Variants in WDR72 observed in about 807,000 individuals in gnomAD.
The protein encoded by WDR72 is WD repeat domain 72.
In WDR72, 120 loss-of-function variants were observed where a neutral mutation model predicts 124.2. The observed-to-expected ratio is 0.97, with a 90% confidence interval of 0.83 to 1.12. The LOEUF (loss-of-function observed/expected upper bound fraction) is 1.12, where lower values mean the gene tolerates loss of function less well. Among genes scored for constraint, WDR72 ranks in the 50% most tolerant of loss-of-function variants. The pLI, the probability that WDR72 is intolerant of heterozygous loss-of-function variation, is 0.00. For missense variants in WDR72, 1,387 were observed against 1,278.8 expected (o/e 1.08, Z -1.29); for synonymous variants, 452 against 441.7 (o/e 1.02, Z -0.29).
intron 14 of WDR72, among the ~76,000 whole-genome samples, chr15:53,656,262 CAAAT>C (rs967277935): frequency 6.9e-4 from 104 of 151,456 alleles, no homozygotes; most frequent in Admixed American, 2.0e-4. Context: ...AAAAAAATTA[CAAAT>C]AAATAAACGT....
intron 1 of WDR72, among the ~76,000 whole-genome samples, chr15:53,758,557 A>G (rs1327939090): frequency 6.6e-6 from 1 of 152,110 alleles, no homozygotes. Context: ...AAGCTGCACA[A>G]GACCAACTTA....
At chr15:53,572,443 C>T (rs1894570935) in intron 18 of WDR72, among the ~76,000 whole-genome samples, 1 of 152,004 alleles carries the variant, frequency 6.6e-6, no homozygotes, top group African/African-American at 2.4e-5. Context: ...TGATATTTTC[C>T]CCTCACATTG....
chr15:53,645,540 G>T (rs2015011146), intron 14 of WDR72, among the ~76,000 whole-genome samples: 5 of 152,044 alleles, frequency 3.3e-5, no homozygotes, highest in Admixed American at 6.6e-5. Flanking sequence ...AAAATGAAGG[G>T]TGTCATTTAC....
chr15:53,712,649 C>A, intron 7 of WDR72, 123 bp downstream of exon 7: 1 of 1,033,062 alleles, frequency 9.7e-7, no homozygotes, highest in Non-Finnish European at 1.4e-6. Flanking sequence ...CACATCATTC[C>A]ATGTTCTGGT....
intron 18 of WDR72, among the ~76,000 whole-genome samples, chr15:53,555,443 A>G (rs1893893764): frequency 6.6e-6 from 1 of 152,036 alleles, no homozygotes; most frequent in Non-Finnish European, 1.5e-5. Context: ...ATAAAGAGAG[A>G]GAGAACATGT....
chr15:53,599,014 C>T (rs2140342285), intron 17 of WDR72, among the ~76,000 whole-genome samples: 1 of 152,052 alleles, frequency 6.6e-6, no homozygotes, highest in East Asian at 1.9e-4. Flanking sequence ...GTCCTGGCTA[C>T]TCAGGAGGCT....
At chr15:53,617,817 C>T (rs192602643) in intron 14 of WDR72, among the ~76,000 whole-genome samples, 42 of 151,890 alleles carry the variant, frequency 2.8e-4, no homozygotes, top group South Asian at 6.2e-4. Flanking sequence ...ATTCCATCCC[C>T]GTTATTTTCA....
chr15:53,566,626 G>A (rs76669546), intron 18 of WDR72, among the ~76,000 whole-genome samples: 1,608 of 151,774 alleles, frequency 0.011, 36 homozygotes, highest in African/African-American at 0.037. Flanking sequence ...GCTCATCTAC[G>A]GAGCAACATT....
chr15:53,646,521 A>G (rs1047444046), intron 14 of WDR72, among the ~76,000 whole-genome samples: 1 of 152,098 alleles, frequency 6.6e-6, no homozygotes, highest in African/African-American at 2.4e-5. Flanking sequence ...GAAATAAGGT[A>G]AACAAAATTA....
chr15:53,551,199 A>C (rs1335657327), intron 18 of WDR72, among the ~76,000 whole-genome samples: 1 of 152,150 alleles, frequency 6.6e-6, no homozygotes, highest in African/African-American at 2.4e-5. Context: ...ATGGCCAGTG[A>C]GACTGGAGGT....
At chr15:53,555,878 AT>A (rs1893913319) in intron 18 of WDR72, among the ~76,000 whole-genome samples, 2 of 152,120 alleles carry the variant, frequency 1.3e-5, no homozygotes, top group African/African-American at 4.8e-5. Context: ...TATTAATTTT[AT>A]TTTACAAAAT....
intron 18 of WDR72, among the ~76,000 whole-genome samples, chr15:53,560,075 G>A (rs1192110035): frequency 6.6e-6 from 1 of 151,912 alleles, no homozygotes; most frequent in African/African-American, 2.4e-5. Context: ...TTATTGAGCT[G>A]TCTGTGAAAA....
intron 18 of WDR72, 22 bp downstream of exon 18, chr15:53,597,057 T>C (rs2012813189): frequency 1.2e-6 from 2 of 1,611,258 alleles, no homozygotes; most frequent in African/African-American, 1.3e-5. Context: ...TGAAAGAGTA[T>C]ACCAATAAAT....
chr15:53,549,953 C>A (rs1230910090), intron 18 of WDR72, among the ~76,000 whole-genome samples: 1 of 152,190 alleles, frequency 6.6e-6, no homozygotes, highest in Non-Finnish European at 1.5e-5. Context: ...CTTTCTCTTT[C>A]ATTCATGCAG....
intron 14 of WDR72, among the ~76,000 whole-genome samples, chr15:53,650,410 G>A (rs1443174500): frequency 6.6e-6 from 1 of 152,158 alleles, no homozygotes; most frequent in Non-Finnish European, 1.5e-5. Context: ...TAAGAGGGCA[G>A]ATGTCATGTT....
rs150746763 is a variant in WDR72, at chr15:53,655,942, C to T, written c.1962+9630G>A. 9.7e-4 allele frequency among the ~76,000 whole-genome samples: 148 copies of T among 152,324 alleles called. 2 individuals carry two copies. The East Asian group carries it at 0.027, about 28-fold the overall frequency. On this transcript the variant is annotated intron_variant, in intron 14 of 19. Coordinates refer to ENST00000360509, the MANE Select transcript of WDR72 (RefSeq NM_182758.4). ...TCCTGACCTTGTGATCCACCCACCT[C>T]GGCCTCCCAAAGTGCTGGGATTACA... is the stretch of plus-strand genomic sequence containing the variant.
chr15:53,682,918 G>A (rs1264111200), intron 13 of WDR72, among the ~76,000 whole-genome samples: 7 of 152,144 alleles, frequency 4.6e-5, no homozygotes, highest in Non-Finnish European at 8.8e-5. Context: ...ATCTATGGAA[G>A]AAAGAGGCTT....
intron 18 of WDR72, among the ~76,000 whole-genome samples, chr15:53,557,697 C>G (rs1893982237): frequency 1.3e-5 from 2 of 151,924 alleles, no homozygotes; most frequent in South Asian, 4.1e-4. Context: ...TCCTGAGGCT[C>G]AGTTAAATGA....
intron 14 of WDR72, among the ~76,000 whole-genome samples, chr15:53,617,875 AC>A (rs1196306084): frequency 6.6e-6 from 1 of 151,986 alleles, no homozygotes; most frequent in Non-Finnish European, 1.5e-5. Context: ...ACCTTCATAA[AC>A]AATAAATCTA....
Sources: gnomAD v4.1 joint callset for allele counts (sites outside exome capture counted in the v4.1 genomes callset) on GRCh38, gnomAD v4.1.1 for gene constraint, MANE v1.5 for transcripts, NCBI Gene and HGNC (gene_info 2026-07-23, HGNC 2026-07-21) for gene names.